ATP13A5: variants seen among roughly 807,000 people sequenced by gnomAD.
ATP13A5 encodes probable cation-transporting ATPase 13A5.
In ATP13A5, 149 loss-of-function variants were observed where a neutral mutation model predicts 150.2. The observed-to-expected ratio is 0.99, with a 90% CI of 0.87 to 1.14. ATP13A5 has a LOEUF of 1.14. ATP13A5 is among the 50% of genes most tolerant of loss of function. The probability of loss-of-function intolerance (pLI) is 0.00; values close to 1 mark genes in which losing one functional copy is unlikely to be tolerated. For missense variants in ATP13A5, 1,383 were observed against 1,449.3 expected (o/e 0.95, Z 0.74); for synonymous variants, 497 against 522.2 (o/e 0.95, Z 0.66).
Position 193,378,662 on chromosome 3 carries a change from C to A in ATP13A5, c.63+1G>T. The A allele has an allele frequency of 6.2e-7, 1 of 1,613,546 alleles. No individual in the cohort carries two copies. Among genetic ancestry groups the A allele is most frequent in the Non-Finnish European group, 8.5e-7 (1 of 1,179,484 alleles). ...ACTAATAAAATAAAGGGAAGACTCA[C>A]CAGTTCATCCTCCTCTCCCTGGTTG... On this transcript the variant is annotated splice_donor_variant, in intron 1 of 29. Coordinates refer to ENST00000342358, the MANE Select transcript of ATP13A5 (RefSeq NM_198505.4). LOFTEE classifies it high-confidence loss of function.
At chr3:193,343,840 G>C in intron 9 of ATP13A5, 87 bp downstream of exon 9, 4 of 1,452,518 alleles carry the variant, frequency 2.8e-6, no homozygotes, top group Non-Finnish European at 3.7e-6. Flanking sequence ...GAATATCTTA[G>C]CAAGGGTCTG....
chr3:193,372,570 C>CAG (rs1713485744), intron 1 of ATP13A5, among the ~76,000 whole-genome samples: 1 of 60,934 alleles, frequency 1.6e-5, no homozygotes, highest in South Asian at 7.9e-4. Flanking sequence ...TAAAAAAATA[C>CAG]AGATTATGGC....
chr3:193,371,605 T>TG lies in ATP13A5; in HGVS notation c.63+7057dup, dbSNP rs1456178342. 3.3e-5 allele frequency among the ~76,000 whole-genome samples: 5 copies of TG among 152,244 alleles called. No homozygotes were observed. In the South Asian group the frequency reaches 6.2e-4, roughly 19 times the overall value. On this transcript the variant is annotated intron_variant, in intron 1 of 29. Coordinates refer to ENST00000342358, the MANE Select transcript of ATP13A5 (RefSeq NM_198505.4). Reference sequence around the variant, plus strand: ...AATTCGGTTCCTTGCGGCCTTAAGATGGGGGGCCCCCATTCTCTTGCTGGT... The same window carrying TG: ...AATTCGGTTCCTTGCGGCCTTAAGATGGGGGGGCCCCCATTCTCTTGCTGGT...
At chr3:193,329,778 GC>G (rs1711559008) in intron 12 of ATP13A5, among the ~76,000 whole-genome samples, 1 of 152,066 alleles carries the variant, frequency 6.6e-6, no homozygotes, top group Non-Finnish European at 1.5e-5. Flanking sequence ...ACTCCCATTT[GC>G]CTTCTACTCT....
chr3:193,290,497 A>G (rs1474120724), intron 25 of ATP13A5, among the ~76,000 whole-genome samples: 1 of 152,074 alleles, frequency 6.6e-6, no homozygotes, highest in African/African-American at 2.4e-5. Context: ...CATATGCTGG[A>G]TAATTTAAAA....
chr3:193,313,735 T>C, intron 19 of ATP13A5: 1 of 282,658 alleles, frequency 3.5e-6, no homozygotes, highest in Non-Finnish European at 6.6e-6. Context: ...TGAGTATAAA[T>C]CAGTAGTTCT....
Position 193,351,297 on chromosome 3 carries a change from A to G in ATP13A5, c.607-96T>C, listed in dbSNP as rs1712553376. 5 of 1,372,896 alleles carry G rather than the reference A, an allele frequency of 3.6e-6. No homozygotes were observed. The East Asian group carries it at 1.2e-4, about 32-fold the overall frequency. 85.0% of individuals were successfully genotyped at this position (1,372,896 alleles called of 1,614,324 possible). ...TTATCAATTTTTTTCTCATTTTTTT[A>G]CAACATACACAAACCTCTAATATTT... On this transcript the variant is annotated intron_variant, in intron 6 of 29. Transcript: ENST00000342358.
chr3:193,378,709 T>C lies in ATP13A5; in HGVS notation c.17A>G (p.Lys6Arg), dbSNP rs751769812. The C allele has an allele frequency of 2.5e-6, 4 of 1,613,806 alleles. No individual in the cohort carries two copies. Among genetic ancestry groups the C allele is most frequent in the Non-Finnish European group, 3.4e-6 (4 of 1,179,830 alleles). The change falls in exon 1 of 30, where the codon AAG becomes AGG. Residue 6 changes from lysine to arginine, a missense_variant. Transcript: ENST00000342358. MEENS[K>R]KDHRALLNQG... ...GTTGAGCAAAGCCCGATGGTCCTTC[T>C]TACTGTTCTCTTCCATCTGAACTCA...
At chr3:193,275,430 C>A in intron 29 of ATP13A5, 128 bp from the exon 30 acceptor site, 1 of 1,047,490 alleles carries the variant, frequency 9.5e-7, no homozygotes, top group East Asian at 2.4e-5. Context: ...GTTGCATCTA[C>A]CTCTCCTTTC....
At position 193,321,847 on chromosome 3, in the gene ATP13A5, C is replaced by T; in HGVS notation, c.1759-10G>A. ...TGGCTTCCACTGGACTCTGCAAGCCCATCAACAACAGGGAGCTTAACAAGC... is the reference window on the plus strand; with the variant it reads ...TGGCTTCCACTGGACTCTGCAAGCCTATCAACAACAGGGAGCTTAACAAGC... On this transcript the variant is annotated splice_polypyrimidine_tract_variant and intron_variant, in intron 15 of 29. Transcript: ENST00000342358. 8.1e-6 allele frequency: 13 copies of T among 1,612,254 alleles called. No individual in the cohort carries two copies. Among genetic ancestry groups the T allele is most frequent in the Non-Finnish European group, 1.1e-5 (13 of 1,178,796 alleles).
In ATP13A5 at chr3:193,274,934, C is replaced by A; in HGVS notation, c.*108G>T. 6.9e-7 allele frequency: 1 copy of A among 1,450,288 alleles called. No individual in the cohort carries two copies. The highest frequency in any genetic ancestry group is 9.4e-7 in the Non-Finnish European group (1 of 1,065,746). The allele number at this position is 1,450,288 out of a possible 1,614,324, so 89.8% of individuals were successfully genotyped here. On this transcript the variant is annotated 3_prime_UTR_variant, in exon 30 of 30. Coordinates refer to ENST00000342358, the MANE Select transcript of ATP13A5 (RefSeq NM_198505.4). ...ATTCATTGAAAATATACTTTGAATG[C>A]TTGAATGGAGAGAGGAAAGGTAAGG...
chr3:193,287,896 G>A (rs1216445569), intron 26 of ATP13A5, among the ~76,000 whole-genome samples: 2 of 152,066 alleles, frequency 1.3e-5, no homozygotes, highest in Admixed American at 6.6e-5. Flanking sequence ...CATGATTCAT[G>A]GGAGAAGGTA....
intron 26 of ATP13A5, among the ~76,000 whole-genome samples, chr3:193,288,294 A>C (rs529365986): frequency 6.6e-6 from 1 of 152,278 alleles, no homozygotes; most frequent in Admixed American, 6.5e-5. Context: ...AATGCTATTA[A>C]ACAGCCTCAC....
intron 7 of ATP13A5, among the ~76,000 whole-genome samples, chr3:193,347,348 A>C (rs1407813742): frequency 9.8e-5 from 1 of 10,228 alleles, no homozygotes; most frequent in Non-Finnish European, 1.5e-4. Context: ...TGTAAAAACC[A>C]AATAAAAGGG....
intron 8 of ATP13A5, 42 bp downstream of exon 8, chr3:193,344,960 CT>C: frequency 6.5e-7 from 1 of 1,538,196 alleles, no homozygotes; most frequent in Non-Finnish European, 9.0e-7. Context: ...CAATTCCCCC[CT>C]GAAATATTAA....
intron 17 of ATP13A5, among the ~76,000 whole-genome samples, chr3:193,317,434 C>A (rs1577346104): frequency 6.6e-6 from 1 of 152,284 alleles, no homozygotes; most frequent in Admixed American, 6.5e-5. Flanking sequence ...CAAATAAGTT[C>A]TCAATTCCTT....
intron 9 of ATP13A5, among the ~76,000 whole-genome samples, chr3:193,336,187 A>G (rs886714265): frequency 9.2e-5 from 14 of 152,100 alleles, no homozygotes; most frequent in Non-Finnish European, 1.8e-4. Context: ...ATAAATTTGT[A>G]TACTCTTCAT....
chr3:193,344,952 AT>A (rs763412922), intron 8 of ATP13A5, 50 bp downstream of exon 8: 14 of 1,496,102 alleles, frequency 9.4e-6, no homozygotes, highest in Non-Finnish European at 1.3e-5. Flanking sequence ...AATGAGACCA[AT>A]TCCCCCCTGA....
intron 5 of ATP13A5, among the ~76,000 whole-genome samples, chr3:193,357,389 C>T (rs1712834759): frequency 6.6e-6 from 1 of 152,156 alleles, no homozygotes; most frequent in South Asian, 2.1e-4. Context: ...TTCATCTGAA[C>T]TGTATTGAAA....
Sources: gnomAD v4.1 joint callset for allele counts (sites outside exome capture counted in the v4.1 genomes callset) on GRCh38, gnomAD v4.1.1 for gene constraint, MANE v1.5 for transcripts, NCBI Gene and HGNC (gene_info 2026-07-23, HGNC 2026-07-21) for gene names.